PASD1: variants seen among roughly 807,000 people sequenced by gnomAD.
The protein encoded by PASD1 is PAS domain containing repressor 1, also known as circadian clock protein PASD1.
In PASD1, 13 loss-of-function variants were observed where a neutral mutation model predicts 58.8. The observed-to-expected ratio is 0.22, with a 90% CI of 0.14 to 0.35. The LOEUF (loss-of-function observed/expected upper bound fraction) is 0.35. Among genes scored for constraint, PASD1 ranks in the 10% least tolerant of loss-of-function variants. PASD1 has a pLI of 1.00. For synonymous variants in PASD1, 236 were observed against 216.7 expected, an observed-to-expected ratio of 1.09 and a Z score of -0.78; for missense variants, 734 against 568.3, an observed-to-expected ratio of 1.29 and a Z score of -2.96.
intron 2 of PASD1, among the ~76,000 whole-genome samples, chrX:151,601,808 T>A (rs938669833): frequency 2.7e-5 from 3 of 111,935 alleles, no homozygotes; most frequent in Non-Finnish European, 5.6e-5. Context: ...GTGTCCTCCA[T>A]GCCTTGCACA....
chrX:151,600,012 C>T (rs887622543), intron 1 of PASD1, among the ~76,000 whole-genome samples: 16 of 112,340 alleles, frequency 1.4e-4, no homozygotes, highest in Non-Finnish European at 2.1e-4. Context: ...TTTGCAATCC[C>T]GGCACCTCGG....
chrX:151,599,544 C>T lies in PASD1; in HGVS notation c.-27-1983C>T, dbSNP rs2013376603. ...CCGGGTGGAGGGGCTCCTCACTTCT[C>T]AGACGGGGCGGCCGGTCAGAGACGC... On this transcript the variant is annotated intron_variant, in intron 1 of 15. Coordinates refer to ENST00000370357, the MANE Select transcript of PASD1 (RefSeq NM_173493.3). Among the ~76,000 whole-genome samples, 4 of 111,185 alleles carry T rather than the reference C, an allele frequency of 3.6e-5. No homozygotes were observed. In the South Asian group the frequency reaches 1.5e-3, roughly 43 times the overall value.
intron 4 of PASD1, among the ~76,000 whole-genome samples, chrX:151,612,003 G>A (rs1602929900): frequency 1.3e-5 from 1 of 77,639 alleles, no homozygotes; most frequent in East Asian, 4.3e-4. Flanking sequence ...AGTGTGTGAT[G>A]TTCCCCTTCC....
intron 1 of PASD1, among the ~76,000 whole-genome samples, chrX:151,567,045 A>AAAATAAAT (rs370364202): frequency 0.022 from 2,122 of 94,924 alleles, 29 homozygotes; most frequent in Middle Eastern, 0.053. Flanking sequence ...ACTCCGTCTC[A>AAAATAAAT]AAATAAATAA....
intron 1 of PASD1, among the ~76,000 whole-genome samples, chrX:151,591,964 T>C (rs1403664624): frequency 8.9e-6 from 1 of 112,184 alleles, no homozygotes; most frequent in Non-Finnish European, 1.9e-5. Flanking sequence ...AATGCCTCTT[T>C]TATCATAAAT....
At chrX:151,585,463 T>A (rs900554033) in intron 1 of PASD1, among the ~76,000 whole-genome samples, 3 of 111,686 alleles carry the variant, frequency 2.7e-5, no homozygotes, top group African/African-American at 9.8e-5. Context: ...GTGTATAAGA[T>A]CATATTGGCC....
At chrX:151,649,998 C>G (rs2014111043) in intron 9 of PASD1, among the ~76,000 whole-genome samples, 1 of 112,538 alleles carries the variant, frequency 8.9e-6, no homozygotes, top group African/African-American at 3.2e-5. Context: ...GTGAATAAAA[C>G]TTTCTCCATT....
At chrX:151,647,490 TAATTA>T in intron 8 of PASD1, among the ~76,000 whole-genome samples, 1 of 109,433 alleles carries the variant, frequency 9.1e-6, no homozygotes, top group East Asian at 2.8e-4. Context: ...TTTTATATTT[TAATTA>T]AATTAATATT....
intron 1 of PASD1, among the ~76,000 whole-genome samples, chrX:151,594,069 A>T (rs2013284903): frequency 9.0e-6 from 1 of 110,703 alleles, no homozygotes; most frequent in Non-Finnish European, 1.9e-5. Context: ...GGCCTCCTGG[A>T]TTCATGCCAT....
chrX:151,671,665 A>C lies in PASD1; in HGVS notation c.1323A>C (p.Gln441His). The C allele has an allele frequency of 1.7e-6, 2 of 1,210,923 alleles. No individual in the cohort carries two copies. The highest frequency in any genetic ancestry group is 2.2e-6 in the Non-Finnish European group (2 of 894,471). Residue 441 changes from glutamine (Q) to histidine (H), a missense_variant, in exon 13 of 16, where the codon CAA becomes CAC. Coordinates refer to ENST00000370357, the MANE Select transcript of PASD1 (RefSeq NM_173493.3). The stretch of plus-strand genomic sequence containing the variant: ...AACAACAGAAACAACACGCTGGGCA[A>C]GTGAAGCGGCCTCTCCCACATCCCA... ...PKKQQKQHAG[Q>H]VKRPLPHPKD...
chrX:151,672,709 C>T lies in PASD1; in HGVS notation c.1916+48C>T, dbSNP rs1319683942. 3.4e-6 allele frequency: 4 copies of T among 1,186,728 alleles called. No homozygotes were observed. The East Asian group carries it at 9.0e-5, about 27-fold the overall frequency. The stretch of plus-strand genomic sequence containing the variant: ...ATAGTGGCTATGATTATTGCTTTTC[C>T]CTCATGGCTGGATCCCATGCCTGAG... On this transcript the variant is annotated intron_variant, in intron 14 of 15. Transcript: ENST00000370357.
chrX:151,595,422 G>A (rs1177581925), intron 1 of PASD1, among the ~76,000 whole-genome samples: 1 of 111,119 alleles, frequency 9.0e-6, no homozygotes, highest in Non-Finnish European at 1.9e-5. Context: ...TGGTCTTGTA[G>A]AATGTCACCT....
chrX:151,620,717 A>G (rs2013695004), intron 4 of PASD1, among the ~76,000 whole-genome samples: 1 of 111,084 alleles, frequency 9.0e-6, no homozygotes, highest in Admixed American at 9.6e-5. Flanking sequence ...GAAAGAGCAC[A>G]TAGGAGGTGG....
chrX:151,613,861 GT>G (rs774921316), intron 4 of PASD1, among the ~76,000 whole-genome samples: 257 of 111,787 alleles, frequency 2.3e-3, no homozygotes, highest in African/African-American at 8.0e-3. Flanking sequence ...ATATTTTATA[GT>G]TTTAGAGTCT....
rs1484330067 is a variant in PASD1 at position 151,653,743 on chromosome X, TTTCC to T, written c.717+5049_717+5052del. Among the ~76,000 whole-genome samples, 348 of 53,527 alleles carry T rather than the reference TTTCC, an allele frequency of 6.5e-3. 48 individuals carry two copies. The highest frequency in any genetic ancestry group is 0.023 in the Middle Eastern group (2 of 87). 46.5% of individuals were successfully genotyped at this position (53,527 alleles called of 115,157 possible). Reference sequence around the variant, plus strand: ...TTCCTTCCTTCTCTCTCTCTCTTTCTTTCCTTCCTTCTTTCTTTCTTTCTTTCTT... The same window carrying T: ...TTCCTTCCTTCTCTCTCTCTCTTTCTTTCCTTCTTTCTTTCTTTCTTTCTT... On this transcript the variant is annotated intron_variant, in intron 9 of 15. Transcript: ENST00000370357.
At position 151,674,118 on chromosome X, in the gene PASD1, G is replaced by T. The variant is rs1306096843; in HGVS notation, c.2107G>T (p.Val703Phe). The T allele has an allele frequency of 8.3e-7, 1 of 1,211,810 alleles. No homozygotes were observed. Among genetic ancestry groups the T allele is most frequent in the African/African-American group, 1.7e-5 (1 of 57,829 alleles). ...AGAGTTGTCTGATTCACTCGGTCCTGTTGTCCAAGTGAACACTTGGTCTTG... is the reference window on the plus strand; with the variant it reads ...AGAGTTGTCTGATTCACTCGGTCCTTTTGTCCAAGTGAACACTTGGTCTTG... ...WQELSDSLGP[V>F]VQVNTWSCDE... is the part of the protein sequence containing the mutation. Residue 703 changes from valine (V) to phenylalanine (F), a missense_variant, in exon 15 of 16, where the codon GTT becomes TTT. Coordinates refer to ENST00000370357, the MANE Select transcript of PASD1 (RefSeq NM_173493.3).
chrX:151,662,047 TA>T (rs2014318932), intron 10 of PASD1, among the ~76,000 whole-genome samples: 1 of 112,651 alleles, frequency 8.9e-6, no homozygotes, highest in Non-Finnish European at 1.9e-5. Flanking sequence ...AACATGCACA[TA>T]ATGTTTTCTG....
chrX:151,604,124 T>A (rs1450301708), intron 2 of PASD1, among the ~76,000 whole-genome samples: 1 of 111,376 alleles, frequency 9.0e-6, no homozygotes, highest in Non-Finnish European at 1.9e-5. Context: ...CTGAAGAATG[T>A]GATAGGACAG....
chrX:151,573,853 A>G (rs887871736), intron 1 of PASD1, among the ~76,000 whole-genome samples: 1 of 111,961 alleles, frequency 8.9e-6, no homozygotes. Context: ...AGGCTGAGAC[A>G]GTTTTATTGT....
Sources: gnomAD v4.1 joint callset for allele counts (sites outside exome capture counted in the v4.1 genomes callset) on GRCh38, gnomAD v4.1.1 for gene constraint, MANE v1.5 for transcripts, NCBI Gene and HGNC (gene_info 2026-07-23, HGNC 2026-07-21) for gene names.